CEP128: variants seen among roughly 807,000 people sequenced by gnomAD.
CEP128 encodes centrosomal protein 128kDa.
Under a neutral mutation model 156.7 loss-of-function variants are expected in CEP128, and 132 were observed. That is an observed-to-expected ratio of 0.84 (90% CI 0.73 to 0.97). The LOEUF is 0.97. Among genes scored for constraint, CEP128 ranks in the 50% least tolerant of loss-of-function variants. The pLI, the probability that CEP128 is intolerant of heterozygous loss-of-function variation, is 0.00. For synonymous variants in CEP128, 469 were observed against 448.9 expected (o/e 1.04, Z -0.57); for missense variants, 1,252 against 1,281.9 (o/e 0.98, Z 0.36).
At chr14:80,884,694 C>A (rs1595544958) in intron 8 of CEP128, among the ~76,000 whole-genome samples, 1 of 152,308 alleles carries the variant, frequency 6.6e-6, no homozygotes. Flanking sequence ...GTGCCTTCAC[C>A]ACCAGGGCCC....
intron 13 of CEP128, among the ~76,000 whole-genome samples, chr14:80,828,123 CTTTTTTT>C (rs1008856396): frequency 4.7e-5 from 6 of 126,978 alleles, no homozygotes; most frequent in East Asian, 2.2e-4. Flanking sequence ...CTTCTTTTTT[CTTTTTTT>C]TTTTTTTTTT....
Position 80,549,629 on chromosome 14 carries a change from A to G in CEP128, c.2880+9650T>C, listed in dbSNP as rs73326644. ...AGGAGAAGCATTGCAAATAATTAAC[A>G]GTTATTTGGCCAGATTTACATTATC... On this transcript the variant is annotated intron_variant, in intron 21 of 24. Coordinates refer to ENST00000555265, the MANE Select transcript of CEP128 (RefSeq NM_152446.5). 5.8e-3 allele frequency among the ~76,000 whole-genome samples: 880 copies of G among 152,282 alleles called. 4 individuals carry two copies. The highest frequency in any genetic ancestry group is 0.02 in the African/African-American group (821 of 41,552).
In CEP128 at chr14:80,906,103, A is replaced by T. The variant is rs760324433; in HGVS notation, c.235-22T>A. 7 of 1,537,426 alleles carry T rather than the reference A, an allele frequency of 4.6e-6. No homozygotes were observed. The South Asian group carries it at 6.2e-5, about 14-fold the overall frequency. ...TTAACTAATTTAAAGAATATAATGA[A>T]TGAAGCGTTATTCTTCTTAAACAAC... On this transcript the variant is annotated intron_variant, in intron 4 of 24. Transcript: ENST00000555265.
At chr14:80,521,609 C>T (rs112333721) in intron 23 of CEP128, among the ~76,000 whole-genome samples, 2 of 152,162 alleles carry the variant, frequency 1.3e-5, no homozygotes, top group East Asian at 1.9e-4. Flanking sequence ...ATAAACATAT[C>T]TTCATATTTC....
rs969416088 is a variant in CEP128 at position 80,925,350 on chromosome 14, A to T, written c.-15-8788T>A. On this transcript the variant is annotated intron_variant, in intron 2 of 24. Transcript: ENST00000555265. Reference sequence around the variant, plus strand: ...GTGGCCAATGAGATTGAGAAGAAACATGAGAAGTAGGTGAAAAACTAGGGG... The same window carrying T: ...GTGGCCAATGAGATTGAGAAGAAACTTGAGAAGTAGGTGAAAAACTAGGGG... Among the ~76,000 whole-genome samples the T allele has an allele frequency of 3.3e-5, 5 of 152,274 alleles. No homozygotes were observed. In the East Asian group the frequency reaches 9.7e-4, roughly 29 times the overall value.
intron 13 of CEP128, among the ~76,000 whole-genome samples, chr14:80,811,953 G>A (rs1034837556): frequency 6.6e-6 from 1 of 151,704 alleles, no homozygotes; most frequent in African/African-American, 2.4e-5. Context: ...TAGGTTCAGG[G>A]GCACATGTGC....
chr14:80,491,413 G>A (rs1887320717), intron 6 of CEP128, among the ~76,000 whole-genome samples: 1 of 152,174 alleles, frequency 6.6e-6, no homozygotes, highest in African/African-American at 2.4e-5. Flanking sequence ...TCAGGCCAGA[G>A]GGGGGGAAAA....
At chr14:80,769,447 G>T (rs1900405142) in intron 16 of CEP128, among the ~76,000 whole-genome samples, 1 of 151,806 alleles carries the variant, frequency 6.6e-6, no homozygotes, top group African/African-American at 2.4e-5. Context: ...CCCCACGACA[G>T]GCCCCGGTGT....
At chr14:80,649,933 T>A (rs1255711227) in intron 19 of CEP128, among the ~76,000 whole-genome samples, 16 of 152,042 alleles carry the variant, frequency 1.1e-4, no homozygotes, top group Non-Finnish European at 1.5e-5. Context: ...TTTGAAGTAG[T>A]TTTTTCTAAT....
intron 21 of CEP128, among the ~76,000 whole-genome samples, chr14:80,542,030 T>C (rs1464242300): frequency 1.3e-5 from 2 of 152,248 alleles, no homozygotes; most frequent in African/African-American, 4.8e-5. Flanking sequence ...AGAGCAGGGC[T>C]TGGCATGCGG....
chr14:80,706,365 A>G (rs566572650), intron 19 of CEP128, among the ~76,000 whole-genome samples: 1 of 152,208 alleles, frequency 6.6e-6, no homozygotes, highest in South Asian at 2.1e-4. Flanking sequence ...CAATCAGGAT[A>G]TCAACATCGA....
At chr14:80,658,360 C>G in intron 19 of CEP128, among the ~76,000 whole-genome samples, 1 of 152,134 alleles carries the variant, frequency 6.6e-6, no homozygotes, top group Non-Finnish European at 1.5e-5. Context: ...TGCTTGTCAG[C>G]AAATTTCCCT....
At chr14:80,852,384 C>T (rs1372815993) in intron 9 of CEP128, among the ~76,000 whole-genome samples, 1 of 150,750 alleles carries the variant, frequency 6.6e-6, no homozygotes, top group African/African-American at 2.4e-5. Context: ...AAAAGTATAA[C>T]AAAGCATATG....
intron 20 of CEP128, among the ~76,000 whole-genome samples, chr14:80,573,131 G>T (rs1161613641): frequency 6.7e-6 from 1 of 149,802 alleles, no homozygotes; most frequent in African/African-American, 2.5e-5. Context: ...CACCATGTTG[G>T]TCAGGCTGGT....
intron 8 of CEP128, among the ~76,000 whole-genome samples, chr14:80,888,566 G>C (rs1888925117): frequency 6.6e-6 from 1 of 152,150 alleles, no homozygotes; most frequent in Non-Finnish European, 1.5e-5. Flanking sequence ...AAAGGCCTTT[G>C]ACAAAATTCA....
intron 8 of CEP128, among the ~76,000 whole-genome samples, chr14:80,871,416 T>A (rs72693019): frequency 1.1e-3 from 169 of 152,080 alleles, no homozygotes; most frequent in Middle Eastern, 0.01. Flanking sequence ...GGGACAGGAT[T>A]TTGTAATGGA....
intron 19 of CEP128, among the ~76,000 whole-genome samples, chr14:80,654,150 A>T (rs925729706): frequency 6.6e-6 from 1 of 152,156 alleles, no homozygotes; most frequent in African/African-American, 2.4e-5. Flanking sequence ...TGACTCGTGA[A>T]TCCCTGCTGG....
chr14:80,550,644 T>A (rs1047584409), intron 21 of CEP128, among the ~76,000 whole-genome samples: 1 of 151,724 alleles, frequency 6.6e-6, no homozygotes, highest in Non-Finnish European at 1.5e-5. Flanking sequence ...TTGCCATACT[T>A]CATCCTTCTC....
At chr14:80,744,684 T>G (rs1350414649) in intron 18 of CEP128, among the ~76,000 whole-genome samples, 1 of 152,160 alleles carries the variant, frequency 6.6e-6, no homozygotes, top group Non-Finnish European at 1.5e-5. Flanking sequence ...CAGGGTTTTC[T>G]CTTTCTCAAG....
Sources: gnomAD v4.1 joint callset for allele counts (sites outside exome capture counted in the v4.1 genomes callset) on GRCh38, gnomAD v4.1.1 for gene constraint, MANE v1.5 for transcripts, NCBI Gene and HGNC (gene_info 2026-07-23, HGNC 2026-07-21) for gene names.